FNDC3A: variants seen among roughly 807,000 people sequenced by gnomAD.
FNDC3A encodes the protein fibronectin type-III domain-containing protein 3A.
Under a neutral mutation model 148.9 loss-of-function variants are expected in FNDC3A, and 32 were observed. That is an observed-to-expected ratio of 0.21 (90% CI 0.16 to 0.29). The LOEUF is 0.29. Among genes scored for constraint, FNDC3A ranks in the 10% least tolerant of loss-of-function variants. FNDC3A has a pLI of 1.00. For missense variants in FNDC3A, 1,191 were observed against 1,452.8 expected (o/e 0.82, Z 2.93); for synonymous variants, 472 against 473.6 (o/e 1.00, Z 0.04).
intron 19 of FNDC3A, among the ~76,000 whole-genome samples, chr13:49,193,867 C>A (rs1886016536): frequency 6.6e-6 from 1 of 151,888 alleles, no homozygotes. Flanking sequence ...TTACAGTGAG[C>A]TGAAATCATG....
rs531291790 is a variant in FNDC3A at position 49,038,621 on chromosome 13, G to C, written c.99+32332G>C. Among the ~76,000 whole-genome samples, 14 of 152,282 alleles carry C rather than the reference G, an allele frequency of 9.2e-5. 1 individual carries two copies. The highest frequency in any genetic ancestry group is 8.3e-4 in the South Asian group (4 of 4,814). On this transcript the variant is annotated intron_variant, in intron 2 of 25. Coordinates refer to ENST00000492622, the MANE Select transcript of FNDC3A (RefSeq NM_001079673.2). ...GCAAACCTAGCAAATTAATATGGTAGCCAAGATAATTTATTTGTAAATATT... is the reference window on the plus strand; with the variant it reads ...GCAAACCTAGCAAATTAATATGGTACCCAAGATAATTTATTTGTAAATATT...
upstream of FNDC3A, chr13:48,975,769 G>A (rs983787728): frequency 5.3e-5 from 8 of 152,014 alleles, no homozygotes; most frequent in African/African-American, 1.9e-4. Context: ...CAGCCGCCAC[G>A]CGCCGGTGGC....
At chr13:49,147,823 G>A (rs1883077989) in intron 8 of FNDC3A, among the ~76,000 whole-genome samples, 1 of 151,998 alleles carries the variant, frequency 6.6e-6, no homozygotes, top group Admixed American at 6.6e-5. Context: ...TATCCATATT[G>A]GTTGTACTAA....
chr13:49,187,998 T>A (rs1885676626), intron 16 of FNDC3A, among the ~76,000 whole-genome samples: 1 of 152,218 alleles, frequency 6.6e-6, no homozygotes, highest in Non-Finnish European at 1.5e-5. Flanking sequence ...TATACAGATA[T>A]ATCAGAGAAG....
chr13:49,000,343 C>G (rs769132083), intron 1 of FNDC3A, among the ~76,000 whole-genome samples: 2 of 152,138 alleles, frequency 1.3e-5, no homozygotes, highest in Non-Finnish European at 2.9e-5. Flanking sequence ...ACTGTCCTTT[C>G]CTCATTGAAT....
chr13:49,199,259 G>A (rs545552838), intron 23 of FNDC3A, among the ~76,000 whole-genome samples: 3 of 151,898 alleles, frequency 2.0e-5, no homozygotes, highest in African/African-American at 7.2e-5. Flanking sequence ...GGGCTCAAGT[G>A]GTCCTCCCCG....
At chr13:49,062,439 C>T (rs955744642) in intron 2 of FNDC3A, among the ~76,000 whole-genome samples, 2 of 152,118 alleles carry the variant, frequency 1.3e-5, no homozygotes, top group African/African-American at 2.4e-5. Flanking sequence ...TGATTCAGCC[C>T]CTGTTTATCT....
chr13:48,980,019 G>C (rs985366391), intron 1 of FNDC3A, among the ~76,000 whole-genome samples: 1 of 151,956 alleles, frequency 6.6e-6, no homozygotes, highest in East Asian at 1.9e-4. Flanking sequence ...CTATATGGTG[G>C]TTTGGGCGTT....
chr13:49,102,111 T>TA (rs1299678846), intron 3 of FNDC3A, among the ~76,000 whole-genome samples: 6 of 152,224 alleles, frequency 3.9e-5, no homozygotes, highest in Admixed American at 2.0e-4. Context: ...ATGCTGGGAT[T>TA]ACAGGCATGA....
intron 2 of FNDC3A, among the ~76,000 whole-genome samples, chr13:49,036,310 A>G (rs1406401541): frequency 6.6e-6 from 1 of 152,192 alleles, no homozygotes; most frequent in Non-Finnish European, 1.5e-5. Context: ...AAACTACTAG[A>G]GTTAAATAAA....
intron 1 of FNDC3A, among the ~76,000 whole-genome samples, chr13:49,000,261 T>C (rs1020982233): frequency 6.6e-6 from 1 of 152,230 alleles, no homozygotes; most frequent in Non-Finnish European, 1.5e-5. Context: ...TTTTTGTATA[T>C]AGTGTAAGAT....
intron 2 of FNDC3A, 123 bp downstream of exon 2, chr13:49,006,412 G>T: frequency 2.0e-6 from 1 of 509,048 alleles, no homozygotes; most frequent in South Asian, 3.1e-5. Context: ...TCAAAATGTT[G>T]TTCAGTTTTA....
chr13:49,173,729 A>T (rs1320540094), intron 11 of FNDC3A, among the ~76,000 whole-genome samples: 1 of 152,224 alleles, frequency 6.6e-6, no homozygotes, highest in Non-Finnish European at 1.5e-5. Context: ...AGCATTTAGT[A>T]AAGCAGTCAA....
At chr13:49,186,572 C>T (rs1262402369) in intron 15 of FNDC3A, among the ~76,000 whole-genome samples, 1 of 152,182 alleles carries the variant, frequency 6.6e-6, no homozygotes, top group Non-Finnish European at 1.5e-5. Flanking sequence ...ACCTTAACAT[C>T]TAAAGTAAAT....
chr13:49,015,814 C>G (rs1436446545), intron 2 of FNDC3A, among the ~76,000 whole-genome samples: 23 of 147,802 alleles, frequency 1.6e-4, no homozygotes, highest in South Asian at 1.1e-3. Flanking sequence ...TAGCATGAAG[C>G]GTTGTTGAAT....
At chr13:49,205,487 C>G (rs139404764) in intron 25 of FNDC3A, among the ~76,000 whole-genome samples, 1 of 152,276 alleles carries the variant, frequency 6.6e-6, no homozygotes, top group Non-Finnish European at 1.5e-5. Context: ...CACCCAAAAT[C>G]TGAAACTTTT....
chr13:49,005,853 T>C (rs1458370531), intron 1 of FNDC3A, among the ~76,000 whole-genome samples: 2 of 151,836 alleles, frequency 1.3e-5, no homozygotes, highest in Non-Finnish European at 1.5e-5. Context: ...TAAAATATTA[T>C]ATAGAGATGA....
intron 3 of FNDC3A, among the ~76,000 whole-genome samples, chr13:49,090,211 A>G (rs1041911138): frequency 3.3e-5 from 5 of 152,136 alleles, no homozygotes; most frequent in Admixed American, 6.5e-5. Context: ...TCACGAAGTC[A>G]GGGGTTCGAG....
At chr13:49,043,408 C>T (rs954861895) in intron 2 of FNDC3A, among the ~76,000 whole-genome samples, 1 of 151,700 alleles carries the variant, frequency 6.6e-6, no homozygotes, top group African/African-American at 2.4e-5. Context: ...TTTTTTGCTC[C>T]ACTTCTTTAT....
Sources: allele counts gnomAD v4.1 joint callset (sites outside exome capture counted in the v4.1 genomes callset), GRCh38; gene constraint gnomAD v4.1.1; transcripts MANE v1.5; gene names NCBI Gene and HGNC (gene_info 2026-07-23, HGNC 2026-07-21).